Variants in GLI2 observed in about 807,000 individuals in gnomAD.
GLI2 encodes GLI family zinc finger 2.
Under a neutral mutation model 78.9 loss-of-function variants are expected in GLI2, and 22 were observed. That is an observed-to-expected ratio of 0.28 (90% CI 0.20 to 0.40). GLI2 has a LOEUF of 0.40. GLI2 is among the 10% of genes least tolerant of loss of function. The pLI, the probability that GLI2 is intolerant of heterozygous loss-of-function variation, is 1.00. For missense variants in GLI2, 2,097 were observed against 2,213.2 expected, an observed-to-expected ratio of 0.95 and a Z score of 1.05; for synonymous variants, 974 against 963.7, an observed-to-expected ratio of 1.01 and a Z score of -0.20.
intron 2 of GLI2, among the ~76,000 whole-genome samples, chr2:120,840,941 C>T (rs1033412007): frequency 1.3e-5 from 2 of 152,200 alleles, no homozygotes; most frequent in East Asian, 3.9e-4. Flanking sequence ...AGCTCTCTGT[C>T]TGGTCTTTGG....
chr2:120,920,248 C>T (rs748505795), intron 2 of GLI2, among the ~76,000 whole-genome samples: 6 of 152,274 alleles, frequency 3.9e-5, no homozygotes, highest in Non-Finnish European at 8.8e-5. Context: ...GGAACAGGCC[C>T]TCAGGCTTCT....
chr2:120,876,861 C>T (rs1455767773), intron 2 of GLI2, among the ~76,000 whole-genome samples: 1 of 152,196 alleles, frequency 6.6e-6, no homozygotes, highest in Non-Finnish European at 1.5e-5. Context: ...AGGATTTGGG[C>T]CCTGTTTGCA....
intron 1 of GLI2, among the ~76,000 whole-genome samples, chr2:120,790,388 A>G (rs1684115799): frequency 1.3e-5 from 2 of 152,144 alleles, no homozygotes. Context: ...CCCAGACACC[A>G]TGGCCCTGCC....
At chr2:120,867,396 G>A (rs904741074) in intron 2 of GLI2, 14 of 152,374 alleles carry the variant, frequency 9.2e-5, no homozygotes, top group African/African-American at 2.9e-4. Context: ...GCCAGCCAGC[G>A]AGCGCTCCTA....
chr2:120,877,767 T>C (rs190446526), intron 2 of GLI2, among the ~76,000 whole-genome samples: 12 of 152,312 alleles, frequency 7.9e-5, no homozygotes, highest in African/African-American at 2.9e-4. Context: ...TACCAACGTT[T>C]TCTGATGTTG....
intron 1 of GLI2, among the ~76,000 whole-genome samples, chr2:120,773,947 C>CTCCCTCCT (rs1683601903): frequency 7.0e-6 from 1 of 142,190 alleles, no homozygotes; most frequent in Non-Finnish European, 1.6e-5. Context: ...CCCTCCCTCC[C>CTCCCTCCT]TCCCTCCTTC....
chr2:120,783,342 G>A (rs550374518), intron 1 of GLI2, among the ~76,000 whole-genome samples: 1 of 152,256 alleles, frequency 6.6e-6, no homozygotes, highest in Non-Finnish European at 1.5e-5. Flanking sequence ...CCTGGCCAAG[G>A]AACCCAGAGC....
intron 2 of GLI2, among the ~76,000 whole-genome samples, chr2:120,921,102 G>A (rs1019090340): frequency 2.0e-5 from 3 of 152,156 alleles, no homozygotes; most frequent in African/African-American, 7.2e-5. Context: ...GGGGCTCTGA[G>A]CAAGGCATTC....
At chr2:120,921,412 C>CA (rs1282456510) in intron 2 of GLI2, among the ~76,000 whole-genome samples, 1 of 152,128 alleles carries the variant, frequency 6.6e-6, no homozygotes, top group Admixed American at 6.5e-5. Context: ...CATCTGCACC[C>CA]AGAGCCCTGG....
intron 1 of GLI2, among the ~76,000 whole-genome samples, chr2:120,793,200 C>T (rs754663908): frequency 7.2e-5 from 11 of 152,366 alleles, no homozygotes; most frequent in African/African-American, 2.2e-4. Flanking sequence ...CCCTGGGTCC[C>T]GGGTGCCCGC....
At position 120,977,063 on chromosome 2, in the gene GLI2, C is replaced by G. The variant is rs375395221; in HGVS notation, c.1318-1371C>G. On this transcript the variant is annotated intron_variant, in intron 9 of 13. Coordinates refer to ENST00000361492, the MANE Select transcript of GLI2 (RefSeq NM_001374353.1). ...GCGCTGGAGATTTCACATGCTCCAG[C>G]AGGGGCATCTGTACGCGTGACAGTT... 2.6e-4 allele frequency among the ~76,000 whole-genome samples: 40 copies of G among 152,320 alleles called. No individual in the cohort carries two copies. In the East Asian group the frequency reaches 7.7e-3, roughly 29 times the overall value.
chr2:120,801,500 A>T (rs1684706247), intron 2 of GLI2, among the ~76,000 whole-genome samples: 1 of 152,286 alleles, frequency 6.6e-6, no homozygotes, highest in South Asian at 2.1e-4. Flanking sequence ...TTGATAGGGG[A>T]TTGGTTCATC....
chr2:120,813,670 G>A (rs1210434249), intron 2 of GLI2, among the ~76,000 whole-genome samples: 2 of 152,126 alleles, frequency 1.3e-5, no homozygotes, highest in Non-Finnish European at 2.9e-5. Context: ...CACCACCCTG[G>A]CCCCTCACTG....
chr2:120,947,524 A>G (rs1254808905), intron 3 of GLI2, among the ~76,000 whole-genome samples: 2 of 152,188 alleles, frequency 1.3e-5, no homozygotes, highest in East Asian at 3.9e-4. Flanking sequence ...AAGTGTCTAG[A>G]CAGTCATTGA....
At chr2:120,798,372 T>C (rs735557) in intron 2 of GLI2, among the ~76,000 whole-genome samples, 86,225 of 152,098 alleles carry the variant, frequency 0.57, 26,945 homozygotes, top group South Asian at 0.79. Context: ...TCTGCATTTC[T>C]GTTGGGTGCC....
At chr2:120,743,136 A>G (rs1157869029) in intron 1 of GLI2, among the ~76,000 whole-genome samples, 2 of 152,202 alleles carry the variant, frequency 1.3e-5, no homozygotes. Flanking sequence ...CATTTACATA[A>G]TTCCATCGTG....
At chr2:120,784,189 C>A (rs1343851469) in intron 1 of GLI2, among the ~76,000 whole-genome samples, 1 of 152,178 alleles carries the variant, frequency 6.6e-6, no homozygotes, top group Non-Finnish European at 1.5e-5. Flanking sequence ...GAATGAAAGT[C>A]AAATATCTGA....
At chr2:120,967,397 G>A (rs1681909889) in intron 5 of GLI2, among the ~76,000 whole-genome samples, 1 of 152,230 alleles carries the variant, frequency 6.6e-6, no homozygotes, top group East Asian at 1.9e-4. Flanking sequence ...AGGGCAGGAA[G>A]CTTGGCTTGT....
intron 4 of GLI2, 138 bp from the exon 5 acceptor site, chr2:120,955,107 A>G (rs1230950232): frequency 1.5e-6 from 1 of 686,598 alleles, no homozygotes; most frequent in East Asian, 2.7e-5. Context: ...GTGGGGGAAA[A>G]TGCCGAGGAG....
Sources: gnomAD v4.1 joint callset for allele counts (sites outside exome capture counted in the v4.1 genomes callset) on GRCh38, gnomAD v4.1.1 for gene constraint, MANE v1.5 for transcripts, NCBI Gene and HGNC (gene_info 2026-07-23, HGNC 2026-07-21) for gene names.